Variants in ITCH observed in about 807,000 individuals in gnomAD.
ITCH encodes the protein E3 ubiquitin-protein ligase Itchy homolog.
A neutral mutation model predicts 126.8 loss-of-function variants in ITCH; 28 were observed. The observed-to-expected ratio is 0.22, with a 90% CI of 0.16 to 0.30. The LOEUF (loss-of-function observed/expected upper bound fraction) is 0.30. ITCH is among the 10% of genes least tolerant of loss of function. The pLI is 1.00. For missense variants in ITCH, 631 were observed against 1,032.4 expected (o/e 0.61, Z 5.33); for synonymous variants, 342 against 340.0 (o/e 1.01, Z -0.06).
At chr20:34,468,514 G>T (rs751300366) in intron 14 of ITCH, among the ~76,000 whole-genome samples, 4 of 151,970 alleles carry the variant, frequency 2.6e-5, no homozygotes, top group Non-Finnish European at 5.9e-5. Flanking sequence ...ATACAGGCCG[G>T]GCATGGTGGC....
At position 34,450,754 on chromosome 20, in the gene ITCH, T is replaced by C. The variant is rs375756041; in HGVS notation, c.1210+1274T>C. Among the ~76,000 whole-genome samples the C allele has an allele frequency of 3.0e-4, 46 of 152,292 alleles. No homozygotes were observed. The East Asian group carries it at 7.9e-3, about 26-fold the overall frequency. On this transcript the variant is annotated intron_variant, in intron 12 of 24. Transcript: ENST00000374864. ...ATATTTCTAGATTGGGAAAAGTTGG[T>C]CCCCAAGATACATTGTTCTAGCAGT...
intron 4 of ITCH, among the ~76,000 whole-genome samples, chr20:34,411,099 TA>T (rs753369778): frequency 7.9e-5 from 12 of 152,182 alleles, no homozygotes; most frequent in Non-Finnish European, 1.6e-4. Flanking sequence ...TCTTCCATAT[TA>T]AAAATAGTAA....
At chr20:34,364,801 G>C (rs1212804212) in intron 1 of ITCH, among the ~76,000 whole-genome samples, 2 of 146,372 alleles carry the variant, frequency 1.4e-5, no homozygotes, top group South Asian at 2.2e-4. Flanking sequence ...TGAGGCAGGA[G>C]AATGGCTTGA....
intron 24 of ITCH, among the ~76,000 whole-genome samples, chr20:34,505,498 C>G (rs1383088354): frequency 6.6e-6 from 1 of 152,052 alleles, no homozygotes; most frequent in Non-Finnish European, 1.5e-5. Flanking sequence ...TACTTTCTGT[C>G]TCTATGAATT....
intron 2 of ITCH, among the ~76,000 whole-genome samples, chr20:34,388,668 A>G (rs895254718): frequency 2.6e-5 from 4 of 152,240 alleles, no homozygotes; most frequent in African/African-American, 9.6e-5. Context: ...AAGGACTTGA[A>G]TTTAGGACAT....
chr20:34,460,360 T>C (rs1190858886), intron 13 of ITCH, among the ~76,000 whole-genome samples: 1 of 151,130 alleles, frequency 6.6e-6, no homozygotes, highest in African/African-American at 2.4e-5. Context: ...AGCTTTTTTT[T>C]TTTTTTTTTT....
At chr20:34,456,811 A>G (rs1986050092) in intron 12 of ITCH, among the ~76,000 whole-genome samples, 1 of 151,410 alleles carries the variant, frequency 6.6e-6, no homozygotes. Context: ...CAAACTCCTG[A>G]GCTCAAGCAA....
intron 1 of ITCH, among the ~76,000 whole-genome samples, chr20:34,365,044 A>G (rs533044555): frequency 6.6e-6 from 1 of 152,152 alleles, no homozygotes; most frequent in South Asian, 2.1e-4. Context: ...TACAAAAAAT[A>G]CAAAGATTTG....
At chr20:34,441,961 C>T (rs1871896795) in intron 9 of ITCH, 2 of 484,884 alleles carry the variant, frequency 4.1e-6, no homozygotes, top group Admixed American at 6.5e-5. Flanking sequence ...GACCTCAAGC[C>T]TCTTCAGGAA....
At position 34,489,359 on chromosome 20, in the gene ITCH, G is replaced by A. The variant is rs1020647092; in HGVS notation, c.2187G>A (p.Leu729=). The A allele has an allele frequency of 5.0e-6, 8 of 1,613,282 alleles. 1 individual carries two copies. In the South Asian group the frequency reaches 7.7e-5, roughly 15 times the overall value. ...ATGAAATTCTTCCCCAGCAATATTT[G>A]CAATACTTTGATGCAAAGGAATTAG... ...GFNEILPQQY[L]QYFDAKELEV... Residue 729 remains leucine, a synonymous_variant, in exon 21 of 25, where the codon TTG becomes TTA. Transcript: ENST00000374864.
At chr20:34,443,091 A>G (rs961089884) in intron 10 of ITCH, among the ~76,000 whole-genome samples, 8 of 152,350 alleles carry the variant, frequency 5.3e-5, no homozygotes, top group African/African-American at 1.7e-4. Context: ...AATAAGAATT[A>G]GAGCCCAGTC....
At chr20:34,494,989 C>T (rs1367192745) in intron 23 of ITCH, among the ~76,000 whole-genome samples, 5 of 151,422 alleles carry the variant, frequency 3.3e-5, no homozygotes, top group African/African-American at 9.7e-5. Context: ...CGGTGGCTCA[C>T]GCCTGTAATC....
intron 12 of ITCH, among the ~76,000 whole-genome samples, chr20:34,452,324 T>C (rs1044487446): frequency 1.4e-4 from 21 of 152,214 alleles, no homozygotes; most frequent in African/African-American, 4.6e-4. Context: ...AACAACACTT[T>C]GCTAAAATAC....
intron 10 of ITCH, among the ~76,000 whole-genome samples, chr20:34,444,698 T>C (rs1422247601): frequency 6.6e-6 from 1 of 152,170 alleles, no homozygotes; most frequent in Non-Finnish European, 1.5e-5. Flanking sequence ...CTGGAGTGTA[T>C]TGGCATGATC....
At chr20:34,400,652 T>TTTC (rs1568894806) in intron 3 of ITCH, among the ~76,000 whole-genome samples, 1 of 149,248 alleles carries the variant, frequency 6.7e-6, no homozygotes, top group African/African-American at 2.5e-5. Flanking sequence ...TTTTCTTTTT[T>TTTC]TTTTTTTTTT....
intron 22 of ITCH, 63 bp downstream of exon 22, chr20:34,489,989 C>A: frequency 4.1e-6 from 5 of 1,228,956 alleles, no homozygotes; most frequent in South Asian, 3.6e-5. Flanking sequence ...TTGCTTACCA[C>A]ATATGGAAAT....
At chr20:34,385,220 TGG>T (rs1491036605) in intron 2 of ITCH, among the ~76,000 whole-genome samples, 191 of 29,142 alleles carry the variant, frequency 6.6e-3, no homozygotes, top group African/African-American at 0.02. Flanking sequence ...TGTGTGTGTG[TGG>T]TTTTTTTTTT....
intron 2 of ITCH, among the ~76,000 whole-genome samples, chr20:34,383,079 TTG>T (rs2038129535): frequency 6.6e-6 from 1 of 152,064 alleles, no homozygotes; most frequent in African/African-American, 2.4e-5. Context: ...TCCTACTTTG[TTG>T]CTCAGCCGGG....
At chr20:34,376,974 T>C (rs2037870585) in intron 2 of ITCH, among the ~76,000 whole-genome samples, 1 of 152,206 alleles carries the variant, frequency 6.6e-6, no homozygotes, top group South Asian at 2.1e-4. Context: ...TATTCCTCTT[T>C]TCATGTTGTG....
Sources: allele counts gnomAD v4.1 joint callset (sites outside exome capture counted in the v4.1 genomes callset), GRCh38; gene constraint gnomAD v4.1.1; transcripts MANE v1.5; gene names NCBI Gene and HGNC (gene_info 2026-07-23, HGNC 2026-07-21).